The following CSMD1 variants were observed in gnomAD, a reference collection of about 807,000 sequenced individuals.
CSMD1 encodes CUB and Sushi multiple domains 1.
CSMD1 carries 213 observed loss-of-function variants against 417.5 expected under a neutral mutation model. That is an observed-to-expected ratio of 0.51 (90% CI 0.46 to 0.57). The LOEUF (loss-of-function observed/expected upper bound fraction) is 0.57. CSMD1 is among the 20% of genes least tolerant of loss of function. The pLI, the probability that CSMD1 is intolerant of heterozygous loss-of-function variation, is 0.00. For missense variants in CSMD1, 6,923 were observed against 4,529.7 expected, an observed-to-expected ratio of 1.53 and a Z score of -15.17; for synonymous variants, 2,862 against 1,736.8, an observed-to-expected ratio of 1.65 and a Z score of -16.11.
chr8:4,560,908 T>C (rs1798301346), intron 2 of CSMD1, among the ~76,000 whole-genome samples: 1 of 152,174 alleles, frequency 6.6e-6, no homozygotes, highest in African/African-American at 2.4e-5. Context: ...CTCAAACAGG[T>C]TCACTTATCA....
At chr8:2,974,973 G>T (rs527840050) in intron 55 of CSMD1, among the ~76,000 whole-genome samples, 7 of 152,202 alleles carry the variant, frequency 4.6e-5, no homozygotes, top group South Asian at 2.1e-4. Context: ...GGAAATTTGC[G>T]AAAGTAACAT....
At chr8:4,507,939 T>A (rs941683168) in intron 2 of CSMD1, among the ~76,000 whole-genome samples, 2 of 152,040 alleles carry the variant, frequency 1.3e-5, no homozygotes, top group Non-Finnish European at 2.9e-5. Context: ...GAAAATAGTA[T>A]CAGCAGGAGG....
chr8:3,459,684 T>G (rs964463316), intron 12 of CSMD1, among the ~76,000 whole-genome samples: 1 of 152,108 alleles, frequency 6.6e-6, no homozygotes, highest in South Asian at 2.1e-4. Context: ...GGGCACCGGA[T>G]ATACTTCAGG....
At chr8:3,255,222 C>T (rs1187434360) in intron 26 of CSMD1, among the ~76,000 whole-genome samples, 1 of 151,990 alleles carries the variant, frequency 6.6e-6, no homozygotes, top group Non-Finnish European at 1.5e-5. Flanking sequence ...CCTGACCATT[C>T]CTCTGGAAGT....
chr8:3,951,302 T>C (rs915645000), intron 5 of CSMD1, among the ~76,000 whole-genome samples: 2 of 152,186 alleles, frequency 1.3e-5, no homozygotes, highest in Non-Finnish European at 1.5e-5. Flanking sequence ...GTGTCTTCCA[T>C]GGCACCTTCT....
chr8:3,844,061 C>T (rs76251703), intron 5 of CSMD1, among the ~76,000 whole-genome samples: 1 of 152,134 alleles, frequency 6.6e-6, no homozygotes, highest in East Asian at 1.9e-4. Context: ...ATTAAATTTC[C>T]ATCCCACTCT....
At chr8:3,477,609 T>A (rs547610282) in intron 11 of CSMD1, among the ~76,000 whole-genome samples, 26 of 152,306 alleles carry the variant, frequency 1.7e-4, no homozygotes, top group Admixed American at 1.4e-3. Flanking sequence ...CATGTGTTGA[T>A]AAATATCTCT....
intron 3 of CSMD1, among the ~76,000 whole-genome samples, chr8:4,173,962 A>T (rs1327728512): frequency 6.6e-6 from 1 of 152,090 alleles, no homozygotes; most frequent in Admixed American, 6.5e-5. Context: ...AAAAACAAAA[A>T]ACTTTCTCCT....
chr8:4,694,471 CCTTCCAA>C (rs1563157426), intron 1 of CSMD1, among the ~76,000 whole-genome samples: 1 of 152,122 alleles, frequency 6.6e-6, no homozygotes, highest in Non-Finnish European at 1.5e-5. Context: ...CCTGCCTCAG[CCTTCCAA>C]GTAGCTGGGG....
At chr8:4,270,560 T>G (rs993514139) in intron 3 of CSMD1, among the ~76,000 whole-genome samples, 3 of 152,144 alleles carry the variant, frequency 2.0e-5, no homozygotes, top group Non-Finnish European at 2.9e-5. Flanking sequence ...TGAACCCCAT[T>G]ATGTTTGATG....
At chr8:3,136,407 G>C (rs1186973355) in intron 41 of CSMD1, among the ~76,000 whole-genome samples, 12 of 151,944 alleles carry the variant, frequency 7.9e-5, no homozygotes, top group Admixed American at 7.9e-4. Flanking sequence ...TGGGATCACA[G>C]GCGCTCCCCA....
At chr8:3,342,917 C>A (rs1293116784) in intron 23 of CSMD1, among the ~76,000 whole-genome samples, 1 of 136,816 alleles carries the variant, frequency 7.3e-6, no homozygotes, top group African/African-American at 2.9e-5. Context: ...GTGTGTGTGT[C>A]ATTCAAAGTC....
intron 3 of CSMD1, among the ~76,000 whole-genome samples, chr8:4,271,221 G>A (rs912221127): frequency 3.3e-5 from 5 of 152,150 alleles, no homozygotes; most frequent in South Asian, 2.1e-4. Context: ...CTTGCAATGC[G>A]ATATACACGA....
At chr8:3,378,883 G>A (rs888820287) in intron 18 of CSMD1, among the ~76,000 whole-genome samples, 3 of 152,176 alleles carry the variant, frequency 2.0e-5, no homozygotes, top group Admixed American at 2.0e-4. Context: ...CACAGTATTG[G>A]AAGTTCTGGC....
At chr8:3,272,350 G>T (rs1801931124) in intron 26 of CSMD1, among the ~76,000 whole-genome samples, 1 of 148,216 alleles carries the variant, frequency 6.7e-6, no homozygotes, top group East Asian at 2.0e-4. Context: ...AGCATAGTTT[G>T]AAGTCAGGTA....
At chr8:4,284,534 G>A (rs569886194) in intron 3 of CSMD1, among the ~76,000 whole-genome samples, 4 of 152,066 alleles carry the variant, frequency 2.6e-5, no homozygotes, top group Non-Finnish European at 2.9e-5. Context: ...GTTCTTGCGC[G>A]ACACACTTGC....
intron 1 of CSMD1, among the ~76,000 whole-genome samples, chr8:4,840,399 A>G (rs1021207641): frequency 5.9e-5 from 9 of 152,228 alleles, no homozygotes; most frequent in Admixed American, 5.9e-4. Flanking sequence ...TGTTGAACAT[A>G]TGTCGAAAAC....
At chr8:3,316,323 A>T (rs1281496754) in intron 23 of CSMD1, among the ~76,000 whole-genome samples, 1 of 149,706 alleles carries the variant, frequency 6.7e-6, no homozygotes, top group Admixed American at 6.6e-5. Flanking sequence ...AATGAGCTGT[A>T]AAAAAAATGT....
intron 6 of CSMD1, among the ~76,000 whole-genome samples, chr8:3,727,667 C>G (rs2720812): frequency 0.03 from 4,522 of 152,212 alleles, 106 homozygotes; most frequent in East Asian, 0.099. Context: ...TTTTTACACT[C>G]AAGTTTAAAA....
Sources: gnomAD v4.1 joint callset for allele counts (sites outside exome capture counted in the v4.1 genomes callset) on GRCh38, gnomAD v4.1.1 for gene constraint, MANE v1.5 for transcripts, NCBI Gene and HGNC (gene_info 2026-07-23, HGNC 2026-07-21) for gene names.